The following TTC29 variants were observed in gnomAD, a reference collection of about 807,000 sequenced individuals.
The protein encoded by TTC29 is tetratricopeptide repeat protein 29.
In TTC29, 49 loss-of-function variants were observed where a neutral mutation model predicts 58.1. The observed-to-expected ratio is 0.84, with a 90% CI of 0.67 to 1.07. TTC29 has a LOEUF of 1.07. Ranked by LOEUF, TTC29 falls within the 50% of genes least tolerant of loss-of-function variation. TTC29 has a pLI of 0.00. For synonymous variants in TTC29, 209 were observed against 196.8 expected (o/e 1.06, Z -0.52); for missense variants, 582 against 555.6 (o/e 1.05, Z -0.48).
intron 6 of TTC29, among the ~76,000 whole-genome samples, chr4:146,883,907 T>C (rs1731804825): frequency 1.3e-5 from 2 of 152,108 alleles, no homozygotes; most frequent in Non-Finnish European, 2.9e-5. Context: ...AATAATTCAT[T>C]TGAAGCTCTA....
intron 8 of TTC29, among the ~76,000 whole-genome samples, chr4:146,834,510 T>G (rs1728377948): frequency 2.0e-5 from 3 of 151,810 alleles, no homozygotes. Context: ...TGACATCATC[T>G]GTATGGTATA....
At chr4:146,807,893 G>T (rs956112835) in intron 10 of TTC29, among the ~76,000 whole-genome samples, 1 of 152,150 alleles carries the variant, frequency 6.6e-6, no homozygotes, top group Non-Finnish European at 1.5e-5. Flanking sequence ...ATCTTATGAG[G>T]CCGGCATCAT....
intron 9 of TTC29, among the ~76,000 whole-genome samples, chr4:146,822,309 C>G (rs1309551477): frequency 6.6e-6 from 1 of 152,046 alleles, no homozygotes; most frequent in Non-Finnish European, 1.5e-5. Context: ...TGTTCAACTC[C>G]CACTTGTGTG....
chr4:146,803,178 C>G (rs1434815549), intron 11 of TTC29, among the ~76,000 whole-genome samples: 2 of 151,666 alleles, frequency 1.3e-5, no homozygotes, highest in African/African-American at 4.8e-5. Flanking sequence ...TCATCAGTAC[C>G]TATTGTTGAC....
chr4:146,891,581 T>G (rs1205635352), intron 6 of TTC29, among the ~76,000 whole-genome samples: 1 of 152,186 alleles, frequency 6.6e-6, no homozygotes, highest in Non-Finnish European at 1.5e-5. Flanking sequence ...GCTCTGACGC[T>G]GGGCAGCTGG....
At chr4:146,756,059 G>A (rs1746425211) in intron 11 of TTC29, among the ~76,000 whole-genome samples, 1 of 152,066 alleles carries the variant, frequency 6.6e-6, no homozygotes. Flanking sequence ...TGGATCATGA[G>A]GTCAGGAGAT....
At chr4:146,792,909 T>C (rs1749574016) in intron 11 of TTC29, among the ~76,000 whole-genome samples, 1 of 152,170 alleles carries the variant, frequency 6.6e-6, no homozygotes, top group South Asian at 2.1e-4. Flanking sequence ...TTTGAGAGGT[T>C]TGAGATTTCA....
At chr4:146,768,551 T>C (rs146378585) in intron 11 of TTC29, among the ~76,000 whole-genome samples, 2 of 152,082 alleles carry the variant, frequency 1.3e-5, no homozygotes, top group African/African-American at 4.8e-5. Flanking sequence ...AAGAAAAAGA[T>C]GACAATTTTG....
chr4:146,806,427 C>T (rs1401039413), intron 10 of TTC29, among the ~76,000 whole-genome samples: 1 of 152,136 alleles, frequency 6.6e-6, no homozygotes, highest in Non-Finnish European at 1.5e-5. Flanking sequence ...AATTAATAAA[C>T]ACAGACTGGC....
intron 10 of TTC29, among the ~76,000 whole-genome samples, chr4:146,819,149 A>G (rs1484121862): frequency 1.3e-5 from 2 of 151,482 alleles, no homozygotes; most frequent in Non-Finnish European, 2.9e-5. Flanking sequence ...AAAAATAAAA[A>G]AATAAAAAAA....
rs114138915 is a variant in TTC29, at chr4:146,890,399, G to A, written c.586+13145C>T. ...CTATAAGAGCTTCCAGCCCTCACATGAGAAGCAGGGCGAGGCATGGGGAGC... is the reference window on the plus strand; with the variant it reads ...CTATAAGAGCTTCCAGCCCTCACATAAGAAGCAGGGCGAGGCATGGGGAGC... On this transcript the variant is annotated intron_variant, in intron 6 of 12. Transcript: ENST00000325106. Among the ~76,000 whole-genome samples the A allele has an allele frequency of 4.1e-3, 628 of 152,310 alleles. 6 individuals carry two copies. The highest frequency in any genetic ancestry group is 0.014 in the African/African-American group (568 of 41,576).
chr4:146,784,574 C>A (rs1260038264), intron 11 of TTC29, among the ~76,000 whole-genome samples: 1 of 152,022 alleles, frequency 6.6e-6, no homozygotes, highest in Non-Finnish European at 1.5e-5. Context: ...AAAAAAGACC[C>A]AAGAGGGCTC....
Position 146,736,697 on chromosome 4 carries a change from T to C in TTC29, c.1331-29146A>G, listed in dbSNP as rs1038551884. Among the ~76,000 whole-genome samples, 6 of 152,198 alleles carry C rather than the reference T, an allele frequency of 3.9e-5. No individual in the cohort carries two copies. The East Asian group carries it at 9.6e-4, about 24-fold the overall frequency. On this transcript the variant is annotated intron_variant, in intron 11 of 12. Coordinates refer to ENST00000325106, the MANE Select transcript of TTC29 (RefSeq NM_031956.4). ...GGGACATTAAGTAAAGCTACCCTGATGACTGAAGGACATAAAATGATCCTG... is the reference window on the plus strand; with the variant it reads ...GGGACATTAAGTAAAGCTACCCTGACGACTGAAGGACATAAAATGATCCTG...
At chr4:146,888,862 T>C (rs1732165736) in intron 6 of TTC29, among the ~76,000 whole-genome samples, 1 of 152,116 alleles carries the variant, frequency 6.6e-6, no homozygotes, top group Non-Finnish European at 1.5e-5. Context: ...CAGCGTCTGC[T>C]CCAACTCCCT....
intron 8 of TTC29, among the ~76,000 whole-genome samples, chr4:146,852,988 G>A (rs1311252449): frequency 6.6e-6 from 1 of 151,464 alleles, no homozygotes; most frequent in Non-Finnish European, 1.5e-5. Flanking sequence ...TTAATGTTGT[G>A]GGTTGAGATA....
intron 4 of TTC29, among the ~76,000 whole-genome samples, chr4:146,931,805 ATCTTT>A (rs1250945494): frequency 2.0e-5 from 3 of 152,280 alleles, no homozygotes; most frequent in Non-Finnish European, 4.4e-5. Context: ...GACATTTGAA[ATCTTT>A]TCTTTTATCT....
intron 11 of TTC29, among the ~76,000 whole-genome samples, chr4:146,725,875 C>A (rs1743748299): frequency 6.6e-6 from 1 of 151,982 alleles, no homozygotes; most frequent in Non-Finnish European, 1.5e-5. Context: ...ACCTATACAC[C>A]TATTCTATAT....
chr4:146,909,659 C>G (rs1005879175), intron 4 of TTC29, among the ~76,000 whole-genome samples: 1 of 152,130 alleles, frequency 6.6e-6, no homozygotes, highest in Non-Finnish European at 1.5e-5. Context: ...TTAGTAGTTT[C>G]ACTGTATGTT....
intron 11 of TTC29, among the ~76,000 whole-genome samples, chr4:146,790,979 G>C (rs1052927424): frequency 2.0e-5 from 3 of 152,174 alleles, no homozygotes; most frequent in Admixed American, 2.0e-4. Context: ...TCCTAGAACA[G>C]GGCAGCTACT....
Sources: gnomAD v4.1 joint callset for allele counts (sites outside exome capture counted in the v4.1 genomes callset) on GRCh38, gnomAD v4.1.1 for gene constraint, MANE v1.5 for transcripts, NCBI Gene and HGNC (gene_info 2026-07-23, HGNC 2026-07-21) for gene names.